Variants in PCNX1 observed in about 807,000 individuals in gnomAD.
PCNX1 encodes the protein pecanex-like protein 1.
A neutral mutation model predicts 242.2 loss-of-function variants in PCNX1; 78 were observed. The ratio of observed to expected loss-of-function variants is 0.32; its 90% CI spans 0.27 to 0.39. The LOEUF is 0.39. PCNX1 is among the 10% of genes least tolerant of loss of function. The pLI is 1.00. For synonymous variants in PCNX1, 1,024 were observed against 1,032.9 expected, an observed-to-expected ratio of 0.99 and a Z score of 0.17; for missense variants, 2,581 against 2,856.5, an observed-to-expected ratio of 0.90 and a Z score of 2.20.
At chr14:71,020,863 A>T (rs1259350767) in intron 12 of PCNX1, among the ~76,000 whole-genome samples, 6 of 152,150 alleles carry the variant, frequency 3.9e-5, no homozygotes, top group Non-Finnish European at 8.8e-5. Context: ...GGTATTGCCT[A>T]GGTTTTCTTC....
Position 70,995,722 on chromosome 14 carries a change from A to G in PCNX1, c.2445-19A>G, listed in dbSNP as rs752273319. The G allele has an allele frequency of 1.2e-6, 2 of 1,610,488 alleles. No individual in the cohort carries two copies. The highest frequency in any genetic ancestry group is 2.7e-5 in the African/African-American group (2 of 74,946). On this transcript the variant is annotated intron_variant, in intron 7 of 35. Transcript: ENST00000304743. ...CTTTTCTTCCCTGTAATGTCTCCCCAATCCATGTTTTTTCCTAGCCTTCAA... is the reference window on the plus strand; with the variant it reads ...CTTTTCTTCCCTGTAATGTCTCCCCGATCCATGTTTTTTCCTAGCCTTCAA...
chr14:71,012,930 A>G (rs2059863236), intron 10 of PCNX1, 55 bp from the exon 11 acceptor site: 2 of 1,088,848 alleles, frequency 1.8e-6, no homozygotes, highest in Non-Finnish European at 2.8e-6. Flanking sequence ...TTGAATAAAC[A>G]TATTAAATAA....
intron 26 of PCNX1, among the ~76,000 whole-genome samples, chr14:71,069,127 A>T (rs985804162): frequency 6.6e-6 from 1 of 152,186 alleles, no homozygotes; most frequent in Non-Finnish European, 1.5e-5. Context: ...GAAACACCTT[A>T]TAAAACCATC....
chr14:71,024,439 A>T (rs10150988), intron 13 of PCNX1, among the ~76,000 whole-genome samples: 248 of 152,268 alleles, frequency 1.6e-3, no homozygotes, highest in African/African-American at 5.7e-3. Flanking sequence ...AATTTTTGAT[A>T]GATATAGGCC....
intron 33 of PCNX1, among the ~76,000 whole-genome samples, chr14:71,106,355 T>C (rs1057003614): frequency 6.6e-6 from 1 of 152,214 alleles, no homozygotes; most frequent in East Asian, 1.9e-4. Flanking sequence ...TATTTAACTA[T>C]TATAATTAAC....
At chr14:70,969,516 C>G (rs1383581867) in intron 5 of PCNX1, among the ~76,000 whole-genome samples, 1 of 152,170 alleles carries the variant, frequency 6.6e-6, no homozygotes, top group African/African-American at 2.4e-5. Context: ...GCAAAAACAG[C>G]AATAAGTTTT....
intron 29 of PCNX1, 28 bp from the exon 30 acceptor site, chr14:71,089,162 CAT>C (rs759825737): frequency 6.5e-5 from 102 of 1,560,172 alleles, no homozygotes; most frequent in Admixed American, 8.8e-5. Context: ...TTTGTCAAAA[CAT>C]GTGAACTTTT....
Position 71,114,800 on chromosome 14 carries a change from A to G in PCNX1, c.*4865A>G, listed in dbSNP as rs543463531. The G allele has an allele frequency of 6.6e-6, 1 of 152,632 alleles. No homozygotes were observed. The highest frequency in any genetic ancestry group is 1.9e-4 in the East Asian group (1 of 5,176). 9.5% of individuals were successfully genotyped at this position (152,632 alleles called of 1,614,324 possible). On this transcript the variant is annotated 3_prime_UTR_variant, in exon 36 of 36. Coordinates refer to ENST00000304743, the MANE Select transcript of PCNX1 (RefSeq NM_014982.3). The stretch of plus-strand genomic sequence containing the variant: ...TGAATTCCTGAGTTTTACCTGCACA[A>G]TGAGGTGGTGCCCCGGAATTCACAA...
At chr14:71,071,999 C>G (rs1398943055) in intron 26 of PCNX1, among the ~76,000 whole-genome samples, 1 of 152,132 alleles carries the variant, frequency 6.6e-6, no homozygotes, top group Non-Finnish European at 1.5e-5. Flanking sequence ...AGTTTGCCAT[C>G]TTATATGGGC....
intron 26 of PCNX1, among the ~76,000 whole-genome samples, chr14:71,058,193 A>G (rs1485921176): frequency 6.6e-6 from 1 of 152,328 alleles, no homozygotes; most frequent in East Asian, 1.9e-4. Flanking sequence ...TATTTAGAGC[A>G]AAGAAATCAC....
In PCNX1 at chr14:71,050,558, T is replaced by C. The variant is rs111721829; in HGVS notation, c.4339-94T>C. On this transcript the variant is annotated intron_variant, in intron 22 of 35. Coordinates refer to ENST00000304743, the MANE Select transcript of PCNX1 (RefSeq NM_014982.3). ...ATGCCATTTCCCTATTAGGAGAACT[T>C]CTCCTAATACATTTTACAGGGTTTT... is the stretch of plus-strand genomic sequence containing the variant. 2,105 of 1,156,156 alleles carry C rather than the reference T, an allele frequency of 1.8e-3. 20 individuals carry two copies. In the African/African-American group the frequency reaches 0.029, roughly 16 times the overall value. The allele number at this position is 1,156,156 out of a possible 1,614,324, so 71.6% of individuals were successfully genotyped here.
chr14:71,009,149 T>G (rs2059752521), intron 8 of PCNX1, among the ~76,000 whole-genome samples: 1 of 152,214 alleles, frequency 6.6e-6, no homozygotes, highest in Non-Finnish European at 1.5e-5. Context: ...ACTAGCTCTT[T>G]CCATTCACTG....
intron 1 of PCNX1, among the ~76,000 whole-genome samples, chr14:70,917,267 C>G (rs2056186789): frequency 6.6e-6 from 1 of 152,194 alleles, no homozygotes; most frequent in Non-Finnish European, 1.5e-5. Context: ...CATGTATGTT[C>G]TTAATGGCAT....
At position 70,949,304 on chromosome 14, in the gene PCNX1, T is replaced by TGTGTACAC. The variant is rs1566608847; in HGVS notation, c.362+2181_362+2182insGTGTACAC. On this transcript the variant is annotated intron_variant, in intron 2 of 35. Transcript: ENST00000304743. ...GTATACACACACGTGTGTACACACATATGTGTGTAGATACACACGTGTATA... is the reference window on the plus strand; with the variant it reads ...GTATACACACACGTGTGTACACACATGTGTACACATGTGTGTAGATACACACGTGTATA... 3.3e-5 allele frequency among the ~76,000 whole-genome samples: 4 copies of TGTGTACAC among 120,384 alleles called. No individual in the cohort carries two copies. The East Asian group carries it at 1.4e-3, about 43-fold the overall frequency. The allele number at this position is 120,384 out of a possible 152,430, so 79.0% of individuals were successfully genotyped here.
intron 26 of PCNX1, among the ~76,000 whole-genome samples, chr14:71,065,374 G>C (rs577195870): frequency 2.0e-5 from 3 of 152,318 alleles, no homozygotes; most frequent in African/African-American, 7.2e-5. Flanking sequence ...GACCACTGAT[G>C]ATGAGCTTTT....
At chr14:71,013,331 T>G (rs1319138112) in intron 11 of PCNX1, 129 bp downstream of exon 11, 2 of 777,860 alleles carry the variant, frequency 2.6e-6, no homozygotes, top group Non-Finnish European at 4.5e-6. Context: ...GTCCTCTGGA[T>G]ATAAAACTTA....
chr14:70,995,635 GA>G (rs113017622), intron 7 of PCNX1, 105 bp from the exon 8 acceptor site: 8 of 928,180 alleles, frequency 8.6e-6, no homozygotes, highest in Admixed American at 5.2e-5. Context: ...AGGTTATGTT[GA>G]AAAAAAGTGC....
At chr14:71,021,897 G>A (rs976177587) in intron 12 of PCNX1, among the ~76,000 whole-genome samples, 37 of 151,366 alleles carry the variant, frequency 2.4e-4, no homozygotes, top group African/African-American at 8.0e-4. Context: ...TTATCTTCTC[G>A]GTTTACAGTT....
At chr14:71,014,889 A>G (rs1361731438) in intron 11 of PCNX1, among the ~76,000 whole-genome samples, 1 of 152,208 alleles carries the variant, frequency 6.6e-6, no homozygotes, top group Non-Finnish European at 1.5e-5. Context: ...AACCTCAAGC[A>G]TAAAATGCTT....
Sources: allele counts gnomAD v4.1 joint callset (sites outside exome capture counted in the v4.1 genomes callset), GRCh38; gene constraint gnomAD v4.1.1; transcripts MANE v1.5; gene names NCBI Gene and HGNC (gene_info 2026-07-23, HGNC 2026-07-21).